The following SLC35F5 variants were observed in gnomAD, a reference collection of about 807,000 sequenced individuals.
SLC35F5 encodes solute carrier family 35 member F5.
Under a neutral mutation model 68.6 loss-of-function variants are expected in SLC35F5, and 54 were observed. The observed-to-expected ratio is 0.79, with a 90% confidence interval of 0.63 to 0.99. The LOEUF is 0.99. Ranked by LOEUF, SLC35F5 falls within the 50% of genes least tolerant of loss-of-function variation. The probability of loss-of-function intolerance (pLI) is 0.00; values close to 1 mark genes in which losing one functional copy is unlikely to be tolerated. For missense variants in SLC35F5, 567 were observed against 626.9 expected (o/e 0.90, Z 1.02); for synonymous variants, 211 against 205.2 (o/e 1.03, Z -0.24).
chr2:113,750,404 C>T (rs1437665385), intron 4 of SLC35F5, 21 bp downstream of exon 4: 12 of 1,572,204 alleles, frequency 7.6e-6, no homozygotes, highest in Non-Finnish European at 8.6e-6. Context: ...TCCTAACAGA[C>T]AGTTAAAATT....
chr2:113,755,276 G>C lies in SLC35F5; in HGVS notation c.162C>G (p.Asn54Lys). The C allele has an allele frequency of 6.2e-7, 1 of 1,614,098 alleles. No individual in the cohort carries two copies. Among genetic ancestry groups the C allele is most frequent in the Non-Finnish European group, 8.5e-7 (1 of 1,180,002 alleles). Residue 54 changes from asparagine to lysine, a missense_variant, in exon 3 of 16, where the codon AAC becomes AAG. Physicochemically the swap from Asn to Lys is moderately conservative, Grantham distance 94. Coordinates refer to ENST00000245680, the MANE Select transcript of SLC35F5 (RefSeq NM_025181.5). The part of the protein sequence containing the change: ...RLQMVCVFVM[N>K]RMNSQNSGFT... Reference sequence around the variant, plus strand: ...AACCACTGTTCTGGGAATTCATTCGGTTCATGACAAATACACACACCATTT... The same window carrying C: ...AACCACTGTTCTGGGAATTCATTCGCTTCATGACAAATACACACACCATTT...
At position 113,755,476 on chromosome 2, in the gene SLC35F5, G is replaced by A. The variant is rs758976655; in HGVS notation, c.109C>T (p.Leu37Phe). The A allele has an allele frequency of 1.2e-6, 2 of 1,614,140 alleles. No homozygotes were observed. Among genetic ancestry groups the A allele is most frequent in the African/African-American group, 2.7e-5 (2 of 75,050 alleles). The stretch of plus-strand genomic sequence containing the variant: ...TACCTTGTCTTAAGAGCCCTTCTGA[G>A]ATCCTCAAGAGCAATGCCGGAAAAC... ...AKFSGIALED[L>F]RRALKTRLQM... Residue 37 changes from leucine to phenylalanine, a missense_variant, in exon 2 of 16, where the codon CTC (leucine) becomes TTC (phenylalanine). Coordinates refer to ENST00000245680, the MANE Select transcript of SLC35F5 (RefSeq NM_025181.5).
chr2:113,712,639 C>T lies in SLC35F5; in HGVS notation c.*2579G>A, dbSNP rs1322785455. ...CCAAAAGCATTTACTGTTAAGGCTGCCTCATTTTTCAGCTTTGTTGTAGTT... is the reference window on the plus strand; with the variant it reads ...CCAAAAGCATTTACTGTTAAGGCTGTCTCATTTTTCAGCTTTGTTGTAGTT... On this transcript the variant is annotated 3_prime_UTR_variant, in exon 16 of 16. Coordinates refer to ENST00000245680, the MANE Select transcript of SLC35F5 (RefSeq NM_025181.5). Among the ~76,000 whole-genome samples, 2 of 152,186 alleles carry T rather than the reference C, an allele frequency of 1.3e-5. No homozygotes were observed. Among genetic ancestry groups the T allele is most frequent in the African/African-American group, 2.4e-5 (1 of 41,454 alleles).
rs149005849 is a variant in SLC35F5 at position 113,734,863 on chromosome 2, T to C, written c.833-190A>G. Among the ~76,000 whole-genome samples the C allele has an allele frequency of 8.9e-3, 1,353 of 152,304 alleles. 24 individuals are homozygous for C. Among genetic ancestry groups the C allele is most frequent in the African/African-American group, 0.031 (1,282 of 41,578 alleles). ...AAATGTTTAAAGTTCATGCATAAAA[T>C]AGCCTCCAAACTAAACCATGTTTAT... On this transcript the variant is annotated intron_variant, in intron 8 of 15. Coordinates refer to ENST00000245680, the MANE Select transcript of SLC35F5 (RefSeq NM_025181.5).
chr2:113,709,929 A>G lies in SLC35F5; in HGVS notation c.*5289T>C, dbSNP rs910223949. Among the ~76,000 whole-genome samples, 3 of 152,320 alleles carry G rather than the reference A, an allele frequency of 2.0e-5. 1 individual carries two copies. Among genetic ancestry groups the G allele is most frequent in the African/African-American group, 7.2e-5 (3 of 41,568 alleles). ...TGGGTTCAAGTGATCCTCCTGCCTC[A>G]GACTCCCAAGCAGCTCAGACTACAG... On this transcript the variant is annotated 3_prime_UTR_variant, in exon 16 of 16. Coordinates refer to ENST00000245680, the MANE Select transcript of SLC35F5 (RefSeq NM_025181.5).
At position 113,756,448 on chromosome 2, in the gene SLC35F5, G is replaced by A. The variant is rs1676997142; in HGVS notation, c.-39C>T. The stretch of plus-strand genomic sequence containing the variant: ...AGGCCCCGCAGCCGCCCAGCGCCAC[G>A]GCCGCGGCCTCGGACTCACAGAGCT... On this transcript the variant is annotated 5_prime_UTR_variant, in exon 1 of 16. Transcript: ENST00000245680. The A allele has an allele frequency of 1.3e-6, 2 of 1,539,200 alleles. No homozygotes were observed. Among genetic ancestry groups the A allele is most frequent in the African/African-American group, 2.7e-5 (2 of 72,928 alleles).
intron 5 of SLC35F5, among the ~76,000 whole-genome samples, chr2:113,745,392 C>T (rs1394210988): frequency 6.6e-6 from 1 of 152,102 alleles, no homozygotes; most frequent in East Asian, 1.9e-4. Context: ...TCACAAATTG[C>T]TATTAAATTT....
At chr2:113,719,827 T>C (rs1687354784) in intron 13 of SLC35F5, 1 of 151,880 alleles carries the variant, frequency 6.6e-6, no homozygotes, top group Non-Finnish European at 1.5e-5. Context: ...AACTCGCTTA[T>C]CTAGTAATAA....
At chr2:113,728,043 G>C (rs1190508607) in intron 11 of SLC35F5, among the ~76,000 whole-genome samples, 2 of 152,064 alleles carry the variant, frequency 1.3e-5, no homozygotes, top group African/African-American at 4.8e-5. Context: ...CCAGGCTAGA[G>C]TGCAGAGACA....
chr2:113,753,583 T>A (rs569713877), intron 3 of SLC35F5, among the ~76,000 whole-genome samples: 1 of 152,298 alleles, frequency 6.6e-6, no homozygotes, highest in African/African-American at 2.4e-5. Context: ...TATTTTACTT[T>A]AAAAAAATTA....
chr2:113,723,189 C>T lies in SLC35F5; in HGVS notation c.1256G>A (p.Cys419Tyr), dbSNP rs1354343455. The T allele has an allele frequency of 6.4e-7, 1 of 1,573,868 alleles. No individual in the cohort carries two copies. Residue 419 changes from cysteine (C) to tyrosine (Y), a missense_variant, in exon 13 of 16, where the codon TGC (cysteine) becomes TAC (tyrosine). Physicochemically the swap from Cys to Tyr is radical, Grantham distance 194. Coordinates refer to ENST00000245680, the MANE Select transcript of SLC35F5 (RefSeq NM_025181.5). ...GCCTATCAATGATGAGGTAAGAAAG[C>T]AGCCCCTAAAAAAAAGAAAATATAC... ...VLSEFLWLWG[C>Y]FLTSSLIGTL...
intron 9 of SLC35F5, among the ~76,000 whole-genome samples, chr2:113,732,793 C>T (rs568652406): frequency 6.6e-6 from 1 of 152,138 alleles, no homozygotes; most frequent in African/African-American, 2.4e-5. Context: ...TCATAATAAT[C>T]CTATGAGAGA....
At chr2:113,718,580 G>A (rs1203157250) in intron 14 of SLC35F5, among the ~76,000 whole-genome samples, 1 of 152,074 alleles carries the variant, frequency 6.6e-6, no homozygotes, top group Non-Finnish European at 1.5e-5. Flanking sequence ...CAAATCACTT[G>A]TGGTTGGGAA....
downstream of SLC35F5, among the ~76,000 whole-genome samples, chr2:113,704,746 G>A (rs567786214): frequency 5.3e-5 from 8 of 152,126 alleles, no homozygotes; most frequent in African/African-American, 1.7e-4. Flanking sequence ...GCGCTGGCCC[G>A]CAAGCACCGC....
intron 13 of SLC35F5, among the ~76,000 whole-genome samples, chr2:113,720,248 C>CT: frequency 6.7e-6 from 1 of 149,326 alleles, no homozygotes; most frequent in East Asian, 2.0e-4. Context: ...AGGAGGTTTG[C>CT]TTTAAAAATA....
At chr2:113,749,264 G>A (rs1339107761) in intron 4 of SLC35F5, among the ~76,000 whole-genome samples, 7 of 152,372 alleles carry the variant, frequency 4.6e-5, no homozygotes, top group African/African-American at 1.7e-4. Flanking sequence ...CACTTTGGGA[G>A]GCCAAGACGG....
chr2:113,717,180 TAA>T (rs1687214631), intron 15 of SLC35F5, among the ~76,000 whole-genome samples: 1 of 152,114 alleles, frequency 6.6e-6, no homozygotes, highest in African/African-American at 2.4e-5. Flanking sequence ...CGAAGACATA[TAA>T]AAGACACTAT....
At chr2:113,755,706 C>A in intron 1 of SLC35F5, 162 bp from the exon 2 acceptor site, 1 of 1,006,736 alleles carries the variant, frequency 9.9e-7, no homozygotes, top group African/African-American at 1.6e-5. Flanking sequence ...TTCATGGTAT[C>A]CACTGCACGC....
In SLC35F5 at chr2:113,756,482, G is replaced by T. The variant is rs1280923565; in HGVS notation, c.-73C>A. ...CTCGGACTCACAGAGCTGTCACCGC[G>T]CCTGACATCGCGCCGCACTGGAGGC... On this transcript the variant is annotated 5_prime_UTR_variant, in exon 1 of 16. Coordinates refer to ENST00000245680, the MANE Select transcript of SLC35F5 (RefSeq NM_025181.5). 6 of 1,526,462 alleles carry T rather than the reference G, an allele frequency of 3.9e-6. No individual in the cohort carries two copies. Among genetic ancestry groups the T allele is most frequent in the Non-Finnish European group, 5.3e-6 (6 of 1,140,612 alleles). The allele number at this position is 1,526,462 out of a possible 1,614,324, so 94.6% of individuals were successfully genotyped here. A position where few individuals can be genotyped will look rare whatever the true frequency, so the allele number is the denominator to read the frequency against.
Sources: gnomAD v4.1 joint callset for allele counts (sites outside exome capture counted in the v4.1 genomes callset) on GRCh38, gnomAD v4.1.1 for gene constraint, MANE v1.5 for transcripts, NCBI Gene and HGNC (gene_info 2026-07-23, HGNC 2026-07-21) for gene names.